Variants in SPMIP2 observed in about 807,000 individuals in gnomAD.
SPMIP2 encodes the protein protein SPMIP2.
the SPMIP2 span, among the ~76,000 whole-genome samples, chr4:159,022,523 T>C: frequency 6.6e-6 from 1 of 152,326 alleles, no homozygotes; most frequent in African/African-American, 2.4e-5. Context: ...CTCCCACATG[T>C]GTCACTGGAC....
the SPMIP2 span, chr4:158,907,205 T>C: frequency 7.2e-5 from 11 of 152,230 alleles, no homozygotes; most frequent in Admixed American, 2.0e-4. Context: ...GTTTTAGACA[T>C]GACAATGAAA....
chr4:158,948,894 G>A, the SPMIP2 span, among the ~76,000 whole-genome samples: 6 of 152,010 alleles, frequency 3.9e-5, no homozygotes, highest in African/African-American at 1.2e-4. Context: ...AAGAGCCACC[G>A]TGCCCCACCA....
At chr4:159,062,855 ATT>A in the SPMIP2 span, among the ~76,000 whole-genome samples, 12 of 137,678 alleles carry the variant, frequency 8.7e-5, no homozygotes, top group Admixed American at 7.4e-5. Flanking sequence ...GGCCTGGCTA[ATT>A]TTTTTTTTTT....
chr4:158,901,475 C>G, the SPMIP2 span, among the ~76,000 whole-genome samples: 1 of 152,002 alleles, frequency 6.6e-6, no homozygotes, highest in Non-Finnish European at 1.5e-5. Flanking sequence ...CTTGGGGTTG[C>G]TCTTCTCGAG....
At chr4:159,082,132 A>G in the SPMIP2 span, among the ~76,000 whole-genome samples, 6 of 151,090 alleles carry the variant, frequency 4.0e-5, no homozygotes, top group Non-Finnish European at 8.8e-5. Flanking sequence ...AGCCCGGCCA[A>G]TATGGCAAAA....
chr4:158,923,804 C>T, the SPMIP2 span, among the ~76,000 whole-genome samples: 2 of 152,100 alleles, frequency 1.3e-5, no homozygotes. Flanking sequence ...ATAGAATAAA[C>T]ACATGCAGTT....
the SPMIP2 span, among the ~76,000 whole-genome samples, chr4:158,914,767 T>C: frequency 1.3e-5 from 2 of 152,192 alleles, no homozygotes; most frequent in Admixed American, 1.3e-4. Flanking sequence ...ATTCCATAAA[T>C]AGTTTAGGGG....
chr4:158,964,040 A>G, the SPMIP2 span, among the ~76,000 whole-genome samples: 1 of 152,090 alleles, frequency 6.6e-6, no homozygotes. Flanking sequence ...CTGTAGTCCC[A>G]GCTACTCGAG....
chr4:158,896,127 C>T, the SPMIP2 span, among the ~76,000 whole-genome samples: 1 of 152,162 alleles, frequency 6.6e-6, no homozygotes, highest in South Asian at 2.1e-4. Flanking sequence ...TTATCTTATG[C>T]TTGAAAAGAA....
chr4:159,008,066 T>G, the SPMIP2 span, among the ~76,000 whole-genome samples: 1 of 151,732 alleles, frequency 6.6e-6, no homozygotes, highest in Non-Finnish European at 1.5e-5. Flanking sequence ...CTGAGAACTC[T>G]CTCTAAAATA....
At chr4:159,080,866 G>A in the SPMIP2 span, among the ~76,000 whole-genome samples, 1 of 151,856 alleles carries the variant, frequency 6.6e-6, no homozygotes, top group African/African-American at 2.4e-5. Flanking sequence ...TGGGACTACA[G>A]GCGCCCACCA....
chr4:158,987,464 G>T, the SPMIP2 span, among the ~76,000 whole-genome samples: 93 of 152,202 alleles, frequency 6.1e-4, no homozygotes, highest in Admixed American at 5.9e-3. Flanking sequence ...AAAAAATGAT[G>T]AGTTCATGTC....
At chr4:158,982,755 C>T in the SPMIP2 span, among the ~76,000 whole-genome samples, 1 of 152,136 alleles carries the variant, frequency 6.6e-6, no homozygotes, top group African/African-American at 2.4e-5. Context: ...GAGTAAATGT[C>T]CACAGGAGAA....
the SPMIP2 span, among the ~76,000 whole-genome samples, chr4:158,979,707 C>T: frequency 6.6e-6 from 1 of 151,590 alleles, no homozygotes; most frequent in Non-Finnish European, 1.5e-5. Flanking sequence ...GAGATTCCCT[C>T]AGGTGCCTAC....
chr4:159,026,203 G>C, the SPMIP2 span: 2 of 472,478 alleles, frequency 4.2e-6, no homozygotes, highest in East Asian at 9.5e-5. Flanking sequence ...ACTAGGAGTG[G>C]GAATAGCTTT....
chr4:158,921,332 C>T, the SPMIP2 span, among the ~76,000 whole-genome samples: 1 of 152,156 alleles, frequency 6.6e-6, no homozygotes, highest in African/African-American at 2.4e-5. Context: ...ATTCCAGCTA[C>T]TTGGAAGGCT....
At chr4:159,020,982 C>G in the SPMIP2 span, among the ~76,000 whole-genome samples, 1 of 152,154 alleles carries the variant, frequency 6.6e-6, no homozygotes, top group African/African-American at 2.4e-5. Flanking sequence ...AGGATGGTCT[C>G]GATCTCCTGA....
chr4:158,956,894 A>G, the SPMIP2 span, among the ~76,000 whole-genome samples: 6,258 of 152,298 alleles, frequency 0.041, 213 homozygotes, highest in Non-Finnish European at 0.062. Flanking sequence ...ATGGGCCTGT[A>G]AAAATGAAAT....
At chr4:158,929,654 A>G in the SPMIP2 span, among the ~76,000 whole-genome samples, 2 of 152,164 alleles carry the variant, frequency 1.3e-5, no homozygotes, top group Non-Finnish European at 2.9e-5. Flanking sequence ...AATTTCCATC[A>G]TATGAAAAAC....
Sources: allele counts gnomAD v4.1 joint callset (sites outside exome capture counted in the v4.1 genomes callset), GRCh38; gene constraint gnomAD v4.1.1; transcripts MANE v1.5; gene names NCBI Gene and HGNC (gene_info 2026-07-23, HGNC 2026-07-21).